STX8: variants seen among roughly 807,000 people sequenced by gnomAD.
The protein encoded by STX8 is syntaxin-8.
A neutral mutation model predicts 37.5 loss-of-function variants in STX8; 23 were observed. That is an observed-to-expected ratio of 0.61 (90% CI 0.44 to 0.87). The LOEUF (loss-of-function observed/expected upper bound fraction) is 0.87, where lower values mean the gene tolerates loss of function less well. Ranked by LOEUF, STX8 falls within the 40% of genes least tolerant of loss-of-function variation. The probability of loss-of-function intolerance (pLI) is 0.00; values close to 1 mark genes in which losing one functional copy is unlikely to be tolerated. For missense variants in STX8, 313 were observed against 284.7 expected (o/e 1.10, Z -0.71); for synonymous variants, 115 against 99.1 (o/e 1.16, Z -0.95).
At chr17:9,549,635 T>C (rs1244511386) in intron 3 of STX8, among the ~76,000 whole-genome samples, 2 of 152,228 alleles carry the variant, frequency 1.3e-5, no homozygotes, top group Non-Finnish European at 2.9e-5. Flanking sequence ...CCAGAGACTC[T>C]GTAAATCTGG....
rs150014014 is a variant in STX8, at chr17:9,352,024, G to A, written c.643+26528C>T. On this transcript the variant is annotated intron_variant, in intron 7 of 7. Transcript: ENST00000306357. ...AAATTAGCTGGGTACGGTGGTGTGC[G>A]CCTATAGTCCCAGCTACTTGGGAGG... is the stretch of plus-strand genomic sequence containing the variant. Among the ~76,000 whole-genome samples, 1,252 of 151,872 alleles carry A rather than the reference G, an allele frequency of 8.2e-3. 16 individuals carry two copies. The highest frequency in any genetic ancestry group is 0.028 in the African/African-American group (1,152 of 41,418).
At chr17:9,448,276 G>A (rs1567565199) in intron 6 of STX8, among the ~76,000 whole-genome samples, 1 of 152,082 alleles carries the variant, frequency 6.6e-6, no homozygotes, top group Non-Finnish European at 1.5e-5. Context: ...CAATATTTGA[G>A]GAACTTTCAG....
chr17:9,559,760 A>ATTTTTTTT (rs60856219), intron 2 of STX8, among the ~76,000 whole-genome samples: 13 of 24,494 alleles, frequency 5.3e-4, no homozygotes, highest in African/African-American at 1.7e-3. Flanking sequence ...ATATATATAT[A>ATTTTTTTT]TTTTTTTTTT....
rs527349153 is a variant in STX8, at chr17:9,369,066, G to A, written c.643+9486C>T. Among the ~76,000 whole-genome samples the A allele has an allele frequency of 3.9e-5, 6 of 152,248 alleles. No homozygotes were observed. In the East Asian group the frequency reaches 7.7e-4, roughly 20 times the overall value. On this transcript the variant is annotated intron_variant, in intron 7 of 7. Coordinates refer to ENST00000306357, the MANE Select transcript of STX8 (RefSeq NM_004853.3). ...CTCCCAAGTAGCTGGGACTATAGGC[G>A]TGAGCCACTGTGCCCAGTCCTATCT...
chr17:9,418,769 G>A (rs1187541840), intron 6 of STX8, among the ~76,000 whole-genome samples: 5 of 135,450 alleles, frequency 3.7e-5, no homozygotes, highest in Non-Finnish European at 7.8e-5. Context: ...GGAGCTTGCA[G>A]TGAGCTGAGA....
At chr17:9,445,165 G>A (rs1207792328) in intron 6 of STX8, among the ~76,000 whole-genome samples, 1 of 152,072 alleles carries the variant, frequency 6.6e-6, no homozygotes, top group Admixed American at 6.6e-5. Context: ...TTGGAGAACC[G>A]TTAGGGACTG....
chr17:9,347,151 A>T (rs1910562689), intron 7 of STX8, among the ~76,000 whole-genome samples: 2 of 151,616 alleles, frequency 1.3e-5, no homozygotes, highest in Admixed American at 6.6e-5. Flanking sequence ...AAAATAAAAA[A>T]AAAAAAAGAA....
intron 7 of STX8, chr17:9,377,959 C>A (rs1274274474): frequency 1.3e-5 from 2 of 152,516 alleles, no homozygotes; most frequent in African/African-American, 2.4e-5. Flanking sequence ...TTCTGCAGAA[C>A]AAGCACCTGC....
intron 7 of STX8, among the ~76,000 whole-genome samples, chr17:9,324,226 C>G (rs1909681596): frequency 6.6e-6 from 1 of 151,842 alleles, no homozygotes; most frequent in South Asian, 2.1e-4. Flanking sequence ...AATTAAGGAA[C>G]TAGAGCATGA....
chr17:9,354,059 C>T (rs1476202874), intron 7 of STX8, among the ~76,000 whole-genome samples: 1 of 152,084 alleles, frequency 6.6e-6, no homozygotes, highest in Non-Finnish European at 1.5e-5. Context: ...AAACTATATG[C>T]CCATACCATA....
At chr17:9,368,431 G>C (rs1178585888) in intron 7 of STX8, among the ~76,000 whole-genome samples, 1 of 152,066 alleles carries the variant, frequency 6.6e-6, no homozygotes, top group African/African-American at 2.4e-5. Flanking sequence ...ATGAACCCAG[G>C]AAGCATAGCT....
intron 6 of STX8, among the ~76,000 whole-genome samples, chr17:9,423,578 C>G (rs1232124378): frequency 6.6e-6 from 1 of 152,218 alleles, no homozygotes; most frequent in Admixed American, 6.5e-5. Context: ...CCCGCTTCAG[C>G]CTCCCAAAGT....
intron 7 of STX8, among the ~76,000 whole-genome samples, chr17:9,288,102 G>A (rs575087068): frequency 1.7e-5 from 2 of 118,330 alleles, no homozygotes; most frequent in East Asian, 2.5e-4. Flanking sequence ...TGACAAGGGG[G>A]GGGGGGGGGA....
At chr17:9,255,456 G>A (rs1906754603) in intron 7 of STX8, among the ~76,000 whole-genome samples, 1 of 152,098 alleles carries the variant, frequency 6.6e-6, no homozygotes, top group South Asian at 2.1e-4. Context: ...GAACTCGGGA[G>A]GCGGAGGTTG....
At chr17:9,462,706 G>C (rs1363551025) in intron 6 of STX8, among the ~76,000 whole-genome samples, 1 of 152,216 alleles carries the variant, frequency 6.6e-6, no homozygotes, top group Non-Finnish European at 1.5e-5. Flanking sequence ...CTGGGCAACA[G>C]AGCGAGGCTC....
intron 4 of STX8, among the ~76,000 whole-genome samples, chr17:9,526,088 G>C (rs745369135): frequency 1.3e-5 from 2 of 152,194 alleles, no homozygotes; most frequent in African/African-American, 2.4e-5. Flanking sequence ...CTGCAAGTGT[G>C]AAAGACGAAG....
chr17:9,460,672 T>TGA, intron 6 of STX8, among the ~76,000 whole-genome samples: 1 of 33,642 alleles, frequency 3.0e-5, no homozygotes, highest in East Asian at 2.0e-3. Flanking sequence ...AGACTCTGTC[T>TGA]CAAAAAAAAA....
chr17:9,321,225 C>G (rs1909566486), intron 7 of STX8, among the ~76,000 whole-genome samples: 1 of 152,064 alleles, frequency 6.6e-6, no homozygotes, highest in Admixed American at 6.6e-5. Context: ...TAGGTAATGT[C>G]TAAAGTTGAA....
At position 9,494,599 on chromosome 17, in the gene STX8, G is replaced by A. The variant is rs531410374; in HGVS notation, c.449-2678C>T. Among the ~76,000 whole-genome samples, 602 of 99,442 alleles carry A rather than the reference G, an allele frequency of 6.1e-3. 2 individuals carry two copies. The highest frequency in any genetic ancestry group is 0.022 in the African/African-American group (567 of 26,256). 65.2% of individuals were successfully genotyped at this position (99,442 alleles called of 152,430 possible). On this transcript the variant is annotated intron_variant, in intron 5 of 7. Transcript: ENST00000306357. ...CCACTGCACTCCAGCCTGGGTAACA[G>A]AGTGAGAACCTGTCTCAAAAAAAAA...
Sources: gnomAD v4.1 joint callset for allele counts (sites outside exome capture counted in the v4.1 genomes callset) on GRCh38, gnomAD v4.1.1 for gene constraint, MANE v1.5 for transcripts, NCBI Gene and HGNC (gene_info 2026-07-23, HGNC 2026-07-21) for gene names.